PRICKLE1: variants seen among roughly 807,000 people sequenced by gnomAD.
PRICKLE1 encodes prickle planar cell polarity protein 1.
In PRICKLE1, 14 loss-of-function variants were observed where a neutral mutation model predicts 70.2. The ratio of observed to expected loss-of-function variants is 0.20; its 90% confidence interval spans 0.13 to 0.31. The LOEUF is 0.31. Among genes scored for constraint, PRICKLE1 ranks in the 10% least tolerant of loss-of-function variants. The pLI is 1.00. For missense variants in PRICKLE1, 821 were observed against 1,026.2 expected, an observed-to-expected ratio of 0.80 and a Z score of 2.73; for synonymous variants, 357 against 379.9, an observed-to-expected ratio of 0.94 and a Z score of 0.70.
At chr12:42,556,913 C>T (rs2120681786) in intron 1 of PRICKLE1, among the ~76,000 whole-genome samples, 1 of 152,282 alleles carries the variant, frequency 6.6e-6, no homozygotes. Context: ...TAAGACACTG[C>T]CCTGCCTTCA....
At chr12:42,545,856 G>GAA (rs71281675) in intron 1 of PRICKLE1, among the ~76,000 whole-genome samples, 2 of 94,674 alleles carry the variant, frequency 2.1e-5, no homozygotes. Context: ...TCTCAAAAAA[G>GAA]AAAAAAAAAA....
At chr12:42,469,408 C>T (rs1464817805) in intron 4 of PRICKLE1, 42 bp downstream of exon 4, 9 of 1,612,472 alleles carry the variant, frequency 5.6e-6, no homozygotes, top group South Asian at 3.3e-5. Context: ...ACCCCATCCA[C>T]ATCACTGCCA....
intron 1 of PRICKLE1, among the ~76,000 whole-genome samples, chr12:42,540,085 A>G (rs957104261): frequency 3.3e-5 from 5 of 152,230 alleles, no homozygotes; most frequent in Non-Finnish European, 7.3e-5. Context: ...GTTTTGTTTA[A>G]GATGGTGTTT....
At chr12:42,493,416 T>C (rs1450340164) in intron 1 of PRICKLE1, among the ~76,000 whole-genome samples, 2 of 152,186 alleles carry the variant, frequency 1.3e-5, no homozygotes. Context: ...TTTTGGCTTA[T>C]AAGATCTGAT....
At chr12:42,516,589 A>G (rs565080892) in intron 1 of PRICKLE1, among the ~76,000 whole-genome samples, 1 of 152,006 alleles carries the variant, frequency 6.6e-6, no homozygotes, top group African/African-American at 2.4e-5. Context: ...TTTAACTGTT[A>G]TTATCTTTGT....
chr12:42,460,376 A>G lies in PRICKLE1; in HGVS notation c.1929T>C (p.Tyr643=). Residue 643 remains tyrosine, a synonymous_variant, in exon 8 of 8, where the codon TAT becomes TAC. Coordinates refer to ENST00000345127, the MANE Select transcript of PRICKLE1 (RefSeq NM_153026.3). The part of the protein sequence containing the change: ...FSDDVIDNGN[Y]DIEIRQPPMS... The stretch of plus-strand genomic sequence containing the variant: ...TCGGAGGCTGCCGGATTTCAATGTC[A>G]TAGTTCCCATTGTCAATGACATCAT... 1 of 1,614,074 alleles carries G rather than the reference A, an allele frequency of 6.2e-7. No individual in the cohort carries two copies. The highest frequency in any genetic ancestry group is 8.5e-7 in the Non-Finnish European group (1 of 1,179,988).
At chr12:42,484,011 TAAAAAAAAAAAAAAAAAAAAAAAAA>T (rs66707460) in intron 1 of PRICKLE1, 1 of 20,862 alleles carries the variant, frequency 4.8e-5, no homozygotes, top group African/African-American at 2.6e-4. Context: ...GAGCCCGCAG[TAAAAAAAAAAAAAAAAAAAAAAAAA>T]AAAAAAAAAA....
chr12:42,545,225 A>G (rs1376867744), intron 1 of PRICKLE1, among the ~76,000 whole-genome samples: 1 of 152,082 alleles, frequency 6.6e-6, no homozygotes, highest in Admixed American at 6.5e-5. Flanking sequence ...GGTAGTCTAG[A>G]ACTCCTGAGC....
At chr12:42,563,527 G>A (rs1267450889) in intron 1 of PRICKLE1, among the ~76,000 whole-genome samples, 9 of 150,816 alleles carry the variant, frequency 6.0e-5, no homozygotes, top group African/African-American at 1.7e-4. Context: ...GTGAAACCCC[G>A]TCTCTACTAA....
Position 42,460,428 on chromosome 12 carries a change from G to T in PRICKLE1, c.1877C>A (p.Ser626Tyr). 6.2e-7 allele frequency: 1 copy of T among 1,614,130 alleles called. No homozygotes were observed. The highest frequency in any genetic ancestry group is 8.5e-7 in the Non-Finnish European group (1 of 1,180,020). ...AGAAAACTTGACCTGCTGGGGTCTG[G>T]ATTGAGACTTGGACCTTCTGAGCAC... ...LPVLRRSKSQ[S>Y]RPQQVKFSDD... The change falls in exon 8 of 8, where the codon TCC becomes TAC. Residue 626 changes from serine (S) to tyrosine (Y), a missense_variant. Transcript: ENST00000345127.
intron 1 of PRICKLE1, among the ~76,000 whole-genome samples, chr12:42,549,695 C>T (rs1940278953): frequency 6.6e-6 from 1 of 152,188 alleles, no homozygotes; most frequent in African/African-American, 2.4e-5. Context: ...TTTCCACCTC[C>T]TCTAATCTAT....
Position 42,460,300 on chromosome 12 carries a change from T to C in PRICKLE1, c.2005A>G (p.Arg669Gly). The stretch of plus-strand genomic sequence containing the variant: ...CTCCGGCGGCGGTGGTGATGAGACC[T>C]GGATCCCCTCTCTTCAAAATTGTAG... ...RVYNFEERGS[R>G]SHHHRRRRSR... Residue 669 changes from arginine to glycine, a missense_variant, in exon 8 of 8, where the codon AGG becomes GGG. By Grantham distance (125) the Arg-to-Gly change is moderately radical (BLOSUM62 -2). Coordinates refer to ENST00000345127, the MANE Select transcript of PRICKLE1 (RefSeq NM_153026.3). 1.2e-6 allele frequency: 2 copies of C among 1,614,116 alleles called. No individual in the cohort carries two copies. The highest frequency in any genetic ancestry group is 1.7e-6 in the Non-Finnish European group (2 of 1,180,030).
At chr12:42,564,933 T>A (rs1170448415) in intron 1 of PRICKLE1, among the ~76,000 whole-genome samples, 1 of 152,224 alleles carries the variant, frequency 6.6e-6, no homozygotes, top group Non-Finnish European at 1.5e-5. Flanking sequence ...TTTAAATACG[T>A]CAGGGCAGGA....
intron 1 of PRICKLE1, among the ~76,000 whole-genome samples, chr12:42,478,458 T>C (rs1423692608): frequency 6.6e-6 from 1 of 152,172 alleles, no homozygotes; most frequent in East Asian, 1.9e-4. Flanking sequence ...AGTCTGACCA[T>C]TAAGGAGGTG....
Position 42,561,905 on chromosome 12 carries a change from C to CT in PRICKLE1, c.-49+27559dup, listed in dbSNP as rs60450733. Among the ~76,000 whole-genome samples, 159 of 87,196 alleles carry CT rather than the reference C, an allele frequency of 1.8e-3. 1 individual carries two copies. The highest frequency in any genetic ancestry group is 1.9e-3 in the Non-Finnish European group (86 of 45,074). The allele number at this position is 87,196 out of a possible 152,430, so 57.2% of individuals were successfully genotyped here. On this transcript the variant is annotated intron_variant, in intron 1 of 7. Transcript: ENST00000345127. ...GTTCCACTAATTTTCTTTTTCTTTTCTTTTTTTTTTTTTTTTTTTTTTTCC... is the reference window on the plus strand; with the variant it reads ...GTTCCACTAATTTTCTTTTTCTTTTCTTTTTTTTTTTTTTTTTTTTTTTTCC...
chr12:42,518,899 G>A (rs1939658172), intron 1 of PRICKLE1, among the ~76,000 whole-genome samples: 1 of 152,124 alleles, frequency 6.6e-6, no homozygotes, highest in African/African-American at 2.4e-5. Context: ...TTATAACATG[G>A]TTATAATGCC....
chr12:42,555,658 C>G (rs1940402289), intron 1 of PRICKLE1, among the ~76,000 whole-genome samples: 2 of 152,018 alleles, frequency 1.3e-5, no homozygotes, highest in Non-Finnish European at 2.9e-5. Flanking sequence ...CTTTTTATAG[C>G]TTAACACAAA....
chr12:42,472,336 A>G (rs1355894089), intron 2 of PRICKLE1, 49 bp downstream of exon 2: 2 of 1,607,472 alleles, frequency 1.2e-6, no homozygotes, highest in Non-Finnish European at 1.7e-6. Flanking sequence ...CTAAAGTCTG[A>G]ACTCACACTG....
chr12:42,466,856 C>T (rs1350767111), intron 5 of PRICKLE1, among the ~76,000 whole-genome samples: 2 of 152,168 alleles, frequency 1.3e-5, no homozygotes, highest in South Asian at 2.1e-4. Context: ...CTTTATTTGA[C>T]TTGGTGGCCA....
Sources: allele counts gnomAD v4.1 joint callset (sites outside exome capture counted in the v4.1 genomes callset), GRCh38; gene constraint gnomAD v4.1.1; transcripts MANE v1.5; gene names NCBI Gene and HGNC (gene_info 2026-07-23, HGNC 2026-07-21).